RABGEF1: variants seen among roughly 807,000 people sequenced by gnomAD.
RABGEF1 encodes rab5 GDP/GTP exchange factor.
Under a neutral mutation model 57.3 loss-of-function variants are expected in RABGEF1, and 26 were observed. That is an observed-to-expected ratio of 0.45 (90% CI 0.33 to 0.63). The LOEUF is 0.63. RABGEF1 is among the 20% of genes least tolerant of loss of function. RABGEF1 has a pLI of 0.02. For missense variants in RABGEF1, 464 were observed against 607.6 expected (o/e 0.76, Z 2.48); for synonymous variants, 185 against 210.7 (o/e 0.88, Z 1.06).
chr7:66,718,520 A>G (rs4718390), intron 2 of RABGEF1, among the ~76,000 whole-genome samples: 5,988 of 152,164 alleles, frequency 0.039, 166 homozygotes, highest in East Asian at 0.086. Context: ...TGGATGTCTC[A>G]AACATAGTGT....
chr7:66,738,089 C>T (rs1798258320), upstream of RABGEF1, among the ~76,000 whole-genome samples: 1 of 150,236 alleles, frequency 6.7e-6, no homozygotes, highest in Non-Finnish European at 1.5e-5. Flanking sequence ...GGCATGATCA[C>T]TGCTCACTGC....
At chr7:66,804,311 C>G (rs1183423209) in intron 7 of RABGEF1, among the ~76,000 whole-genome samples, 1 of 152,144 alleles carries the variant, frequency 6.6e-6, no homozygotes, top group Non-Finnish European at 1.5e-5. Context: ...TTCTAAAAAG[C>G]AGTATGCAAA....
intron 1 of RABGEF1, among the ~76,000 whole-genome samples, chr7:66,709,087 G>A (rs193099024): frequency 1.3e-5 from 2 of 151,054 alleles, no homozygotes; most frequent in Non-Finnish European, 1.5e-5. Flanking sequence ...GCACAATCTC[G>A]GCTCACTACA....
intron 3 of RABGEF1, among the ~76,000 whole-genome samples, chr7:66,778,612 G>C (rs1348392401): frequency 2.0e-5 from 3 of 152,154 alleles, no homozygotes; most frequent in Non-Finnish European, 4.4e-5. Flanking sequence ...CATTTTTAGA[G>C]TTAAAATACC....
chr7:66,683,689 G>A (rs1240093853), intron 1 of RABGEF1, among the ~76,000 whole-genome samples: 1 of 151,888 alleles, frequency 6.6e-6, no homozygotes, highest in Non-Finnish European at 1.5e-5. Flanking sequence ...GGAGAGGGGG[G>A]AACCAAAGGA....
chr7:66,789,659 A>G (rs4718405), intron 4 of RABGEF1, among the ~76,000 whole-genome samples: 75,278 of 137,900 alleles, frequency 0.55, 20,406 homozygotes, highest in East Asian at 0.74. Context: ...CTCCAGCCTC[A>G]GCATCGGAGC....
chr7:66,702,347 TTGTGTGTGTGTGTGTGTG>T (rs58655312), intron 1 of RABGEF1, among the ~76,000 whole-genome samples: 16 of 143,980 alleles, frequency 1.1e-4, no homozygotes, highest in African/African-American at 4.1e-4. Context: ...ATTGTTTTGT[TTGTGTGTGTGTGTGTGTG>T]TGTGTGTGTG....
At chr7:66,668,025 T>G in the RABGEF1 span, among the ~76,000 whole-genome samples, 1 of 152,168 alleles carries the variant, frequency 6.6e-6, no homozygotes, top group Admixed American at 6.5e-5. Context: ...CTCGAACTTC[T>G]GACCTCAGGT....
chr7:66,762,645 TG>T (rs1171352681), intron 1 of RABGEF1, among the ~76,000 whole-genome samples: 2 of 152,052 alleles, frequency 1.3e-5, no homozygotes, highest in African/African-American at 4.8e-5. Flanking sequence ...CTGGGCATGG[TG>T]GCTCACATCT....
chr7:66,703,378 T>C (rs145716216), intron 1 of RABGEF1, among the ~76,000 whole-genome samples: 1 of 152,330 alleles, frequency 6.6e-6, no homozygotes, highest in African/African-American at 2.4e-5. Context: ...TCCCAGGTCT[T>C]GGAGATTTAC....
At chr7:66,780,447 A>G (rs938090465) in intron 3 of RABGEF1, among the ~76,000 whole-genome samples, 9 of 152,352 alleles carry the variant, frequency 5.9e-5, no homozygotes, top group Admixed American at 5.9e-4. Context: ...TTGTAAAAGT[A>G]CTTAGTGCAT....
chr7:66,671,560 T>C, the RABGEF1 span, among the ~76,000 whole-genome samples: 3 of 152,206 alleles, frequency 2.0e-5, no homozygotes, highest in African/African-American at 7.2e-5. Flanking sequence ...AAGACTGATA[T>C]AGTGTTGTTC....
At chr7:66,781,335 C>T (rs552898720) in intron 3 of RABGEF1, among the ~76,000 whole-genome samples, 3 of 151,868 alleles carry the variant, frequency 2.0e-5, no homozygotes, top group African/African-American at 7.3e-5. Context: ...TAATCTTAGA[C>T]GGGAATTTTT....
the RABGEF1 span, among the ~76,000 whole-genome samples, chr7:66,662,777 G>C: frequency 6.6e-6 from 1 of 150,786 alleles, no homozygotes; most frequent in Non-Finnish European, 1.5e-5. Context: ...GTACAGCCGT[G>C]TGTGCACGCA....
intron 2 of RABGEF1, among the ~76,000 whole-genome samples, chr7:66,715,314 A>G (rs1477569172): frequency 6.6e-6 from 1 of 152,142 alleles, no homozygotes; most frequent in Non-Finnish European, 1.5e-5. Flanking sequence ...AAATTTTTGT[A>G]GATACCGTGT....
chr7:66,689,835 A>G (rs1401723340), intron 1 of RABGEF1, among the ~76,000 whole-genome samples: 5 of 152,012 alleles, frequency 3.3e-5, no homozygotes, highest in Admixed American at 1.3e-4. Context: ...GGGTAAACCT[A>G]TAACTAGTAA....
intron 1 of RABGEF1, among the ~76,000 whole-genome samples, chr7:66,760,033 A>C (rs558692644): frequency 6.6e-6 from 1 of 152,174 alleles, no homozygotes; most frequent in East Asian, 1.9e-4. Context: ...TATCATATAG[A>C]GCATAGGGCT....
rs1426786441 is a variant in RABGEF1 at position 66,809,149 on chromosome 7, A to G, written c.1341A>G (p.Arg447=). The change falls in exon 9 of 9, where the codon AGA becomes AGG. Residue 447 remains arginine (R), a synonymous_variant. Coordinates refer to ENST00000284957, the MANE Select transcript of RABGEF1 (RefSeq NM_014504.3). The part of the protein sequence containing the change: ...DLIDWTDGIA[R]EVQDIVEKYP... ...TAGATTGGACAGATGGAATTGCAAG[A>G]GAAGTTCAAGACATCGTTGAGAAAT... 1.9e-6 allele frequency: 3 copies of G among 1,614,246 alleles called. No homozygotes were observed. The highest frequency in any genetic ancestry group is 1.7e-6 in the Non-Finnish European group (2 of 1,180,050).
chr7:66,724,723 T>G (rs780965416), intron 2 of RABGEF1, among the ~76,000 whole-genome samples: 28 of 152,352 alleles, frequency 1.8e-4, no homozygotes, highest in Admixed American at 3.9e-4. Flanking sequence ...ATGGTTTTCA[T>G]CAAATTTATA....
Sources: gnomAD v4.1 joint callset for allele counts (sites outside exome capture counted in the v4.1 genomes callset) on GRCh38, gnomAD v4.1.1 for gene constraint, MANE v1.5 for transcripts, NCBI Gene and HGNC (gene_info 2026-07-23, HGNC 2026-07-21) for gene names.